Variants in UCHL1 observed in about 807,000 individuals in gnomAD.
The protein encoded by UCHL1 is ubiquitin C-terminal hydrolase L1.
Under a neutral mutation model 33.3 loss-of-function variants are expected in UCHL1, and 5 were observed. That is an observed-to-expected ratio of 0.15 (90% CI 0.08 to 0.32). The LOEUF is 0.32. Ranked by LOEUF, UCHL1 falls within the 10% of genes least tolerant of loss-of-function variation. The pLI is 1.00. For missense variants in UCHL1, 236 were observed against 280.0 expected (o/e 0.84, Z 1.12); for synonymous variants, 132 against 108.8 (o/e 1.21, Z -1.33).
chr4:41,262,754 A>G (rs776177028), intron 6 of UCHL1, among the ~76,000 whole-genome samples: 4 of 152,038 alleles, frequency 2.6e-5, no homozygotes, highest in Non-Finnish European at 5.9e-5. Context: ...TTACAAGTAC[A>G]CACCACCACA....
At chr4:41,263,493 G>A (rs1235376562) in intron 7 of UCHL1, among the ~76,000 whole-genome samples, 2 of 150,254 alleles carry the variant, frequency 1.3e-5, no homozygotes, top group Non-Finnish European at 3.0e-5. Flanking sequence ...GCATCCCCTA[G>A]TATCATCCTT....
At chr4:41,264,282 C>A in intron 8 of UCHL1, 121 bp downstream of exon 8, 1 of 1,256,430 alleles carries the variant, frequency 8.0e-7, no homozygotes, top group South Asian at 1.2e-5. Flanking sequence ...TAATAGCAGT[C>A]TTTAGGGCTG....
rs138303221 is a variant in UCHL1, at chr4:41,265,910, A to G, written c.585+1749A>G. Reference sequence around the variant, plus strand: ...GAATTTACTTGGTGAGAATAAGAAAACAGGCAGAATTTCTGGTCTTTGATC... The same window carrying G: ...GAATTTACTTGGTGAGAATAAGAAAGCAGGCAGAATTTCTGGTCTTTGATC... On this transcript the variant is annotated intron_variant, in intron 8 of 8. Coordinates refer to ENST00000284440, the MANE Select transcript of UCHL1 (RefSeq NM_004181.5). Among the ~76,000 whole-genome samples, 622 of 152,338 alleles carry G rather than the reference A, an allele frequency of 4.1e-3. 5 individuals are homozygous for G. The highest frequency in any genetic ancestry group is 0.015 in the African/African-American group (603 of 41,572).
chr4:41,261,937 C>T lies in UCHL1; in HGVS notation c.459+14C>T, dbSNP rs181585116. On this transcript the variant is annotated intron_variant, in intron 6 of 8. Transcript: ENST00000284440. The stretch of plus-strand genomic sequence containing the variant: ...GGCCAATGTCGGGTAAATGCAAATA[C>T]AAATCGGAGCCAGGCTGCCTGGGTG... 1 of 1,613,820 alleles carries T rather than the reference C, an allele frequency of 6.2e-7. No homozygotes were observed. Among genetic ancestry groups the T allele is most frequent in the African/African-American group, 1.3e-5 (1 of 75,014 alleles).
At chr4:41,258,324 G>T (rs1162079162) in intron 3 of UCHL1, among the ~76,000 whole-genome samples, 2 of 152,166 alleles carry the variant, frequency 1.3e-5, no homozygotes, top group Non-Finnish European at 2.9e-5. Flanking sequence ...ATCATTTTGT[G>T]TATGGTTTCT....
At chr4:41,263,314 A>G in intron 7 of UCHL1, 23 bp downstream of exon 7, 1 of 1,608,120 alleles carries the variant, frequency 6.2e-7, no homozygotes, top group Non-Finnish European at 8.5e-7. Context: ...CCATTTTTGG[A>G]ACCCAGTGTA....
rs141828940 is a variant in UCHL1 at position 41,261,745 on chromosome 4, C to T, written c.356C>T (p.Ser119Phe). ...EDGSVLKQFL[S>F]ETEKMSPEDR... is the part of the protein sequence containing the mutation. ...GGATCAGTTCTGAAACAGTTTCTTT[C>T]TGAAACAGAGAAAATGTCCCCTGAA... The change falls in exon 5 of 9, where the codon TCT (serine) becomes TTT (phenylalanine). Residue 119 changes from serine (S) to phenylalanine (F), a missense_variant. By Grantham distance (155) the Ser-to-Phe change is radical (BLOSUM62 -2). Transcript: ENST00000284440. 1.9e-6 allele frequency: 3 copies of T among 1,612,990 alleles called. No individual in the cohort carries two copies. The African/African-American group carries it at 4.0e-5, about 22-fold the overall frequency.
At chr4:41,257,870 C>A in intron 3 of UCHL1, 133 bp downstream of exon 3, 2 of 1,357,000 alleles carry the variant, frequency 1.5e-6, no homozygotes, top group Non-Finnish European at 9.7e-7. Flanking sequence ...AAGGGAGGAG[C>A]CTGCATTTTC....
chr4:41,263,167 A>G, intron 6 of UCHL1, 58 bp from the exon 7 acceptor site: 3 of 1,355,516 alleles, frequency 2.2e-6, no homozygotes, highest in South Asian at 2.3e-5. Context: ...TTGAATTGCA[A>G]GATAATTTTT....
In UCHL1 at chr4:41,268,139, A is replaced by C; in HGVS notation, c.*66A>C. 3 of 1,427,134 alleles carry C rather than the reference A, an allele frequency of 2.1e-6. No individual in the cohort carries two copies. Among genetic ancestry groups the C allele is most frequent in the African/African-American group, 1.4e-5 (1 of 71,512 alleles). The allele number at this position is 1,427,134 out of a possible 1,614,324, so 88.4% of individuals were successfully genotyped here. ...TCAACATGAAAATATATACCCCCCC[A>C]TGCAGTCTAAAATGCTTCAGTACTT... is the stretch of plus-strand genomic sequence containing the variant. On this transcript the variant is annotated 3_prime_UTR_variant, in exon 9 of 9. Transcript: ENST00000284440.
chr4:41,264,156 C>T lies in UCHL1; in HGVS notation c.580C>T (p.Leu194=). ...TGGCGCCAGTTCAGAGGACACCCTG[C>T]TGAAGGTCATCTTTGGAATGCATCT... ...NHGASSEDTL[L]KDAAKVCREF... is the part of the protein sequence containing the mutation. Residue 194 remains leucine, a synonymous_variant, in exon 8 of 9, where the codon CTG becomes TTG. Transcript: ENST00000284440. 6.2e-7 allele frequency: 1 copy of T among 1,614,178 alleles called. No individual in the cohort carries two copies. Among genetic ancestry groups the T allele is most frequent in the Non-Finnish European group, 8.5e-7 (1 of 1,180,020 alleles).
chr4:41,257,490 G>C (rs544988955), intron 2 of UCHL1, 119 bp from the exon 3 acceptor site: 1 of 1,302,436 alleles, frequency 7.7e-7, no homozygotes, highest in East Asian at 3.1e-5. Flanking sequence ...GCGGGACTGG[G>C]GCTCCTCCCA....
At chr4:41,257,337 G>T (rs1339203053) in intron 2 of UCHL1, 3 of 967,816 alleles carry the variant, frequency 3.1e-6, no homozygotes, top group African/African-American at 3.4e-5. Flanking sequence ...AGGGGGCTGC[G>T]CCCCGTGGCG....
intron 7 of UCHL1, 149 bp downstream of exon 7, chr4:41,263,440 A>AC: frequency 1.2e-6 from 1 of 810,648 alleles, no homozygotes. Context: ...AGGGCACTTA[A>AC]CCCCTTATCA....
rs754277320 is a variant in UCHL1 at position 41,268,027 on chromosome 4, AAGG to A, written c.629_631del (p.Gly210del). 7 of 1,613,750 alleles carry A rather than the reference AAGG, an allele frequency of 4.3e-6. No homozygotes were observed. Among genetic ancestry groups the A allele is most frequent in the Admixed American group, 1.7e-5 (1 of 60,006 alleles). On this transcript the variant is annotated inframe_deletion, in exon 9 of 9. Transcript: ENST00000284440. ...TGCAGAGAATTCACCGAGCGTGAGC[AAGG>A]AGAAGTCCGCTTCTCTGCCGTGGCT...
At chr4:41,258,927 G>T (rs1046760732) in intron 3 of UCHL1, among the ~76,000 whole-genome samples, 15 of 152,238 alleles carry the variant, frequency 9.9e-5, no homozygotes, top group Admixed American at 7.2e-4. Flanking sequence ...CCTGTCTCCA[G>T]TTGAGCATCA....
intron 6 of UCHL1, among the ~76,000 whole-genome samples, chr4:41,262,531 C>T (rs1781088350): frequency 6.6e-6 from 1 of 151,934 alleles, no homozygotes; most frequent in Admixed American, 6.6e-5. Flanking sequence ...GAATGAAATG[C>T]CCAACGAAGG....
intron 3 of UCHL1, among the ~76,000 whole-genome samples, chr4:41,259,958 A>G (rs1329779856): frequency 6.6e-6 from 1 of 152,244 alleles, no homozygotes; most frequent in East Asian, 1.9e-4. Context: ...TTCATTTACC[A>G]GTCTCTATCC....
Position 41,256,959 on chromosome 4 carries a change from G to A in UCHL1, c.-18G>A, listed in dbSNP as rs775888515. Reference sequence around the variant, plus strand: ...TTTTCGTCTTCCCTAGGCTATTTCTGCCGGGCGCTCCGCGAAGATGCAGCT... The same window carrying A: ...TTTTCGTCTTCCCTAGGCTATTTCTACCGGGCGCTCCGCGAAGATGCAGCT... On this transcript the variant is annotated 5_prime_UTR_variant, in exon 1 of 9. Transcript: ENST00000284440. 26 of 1,614,032 alleles carry A rather than the reference G, an allele frequency of 1.6e-5. No individual in the cohort carries two copies. The highest frequency in any genetic ancestry group is 8.9e-5 in the East Asian group (4 of 44,886).
Sources: allele counts gnomAD v4.1 joint callset (sites outside exome capture counted in the v4.1 genomes callset), GRCh38; gene constraint gnomAD v4.1.1; transcripts MANE v1.5; gene names NCBI Gene and HGNC (gene_info 2026-07-23, HGNC 2026-07-21).